ULK2: variants seen among roughly 807,000 people sequenced by gnomAD.
The protein encoded by ULK2 is serine/threonine-protein kinase ULK2.
Under a neutral mutation model 127.5 loss-of-function variants are expected in ULK2, and 76 were observed. The observed-to-expected ratio is 0.60, with a 90% confidence interval of 0.50 to 0.72. The LOEUF (loss-of-function observed/expected upper bound fraction) is 0.72, where lower values mean the gene tolerates loss of function less well. Ranked by LOEUF, ULK2 falls within the 30% of genes least tolerant of loss-of-function variation. ULK2 has a pLI of 0.00. For missense variants in ULK2, 1,144 were observed against 1,295.9 expected (o/e 0.88, Z 1.80); for synonymous variants, 452 against 461.9 (o/e 0.98, Z 0.28).
intron 3 of ULK2, among the ~76,000 whole-genome samples, chr17:19,851,776 T>A (rs562039110): frequency 6.6e-6 from 1 of 151,600 alleles, no homozygotes; most frequent in Admixed American, 6.6e-5. Flanking sequence ...TGTAATCCCA[T>A]CACTTTAGGA....
chr17:19,867,236 G>C (rs886719189), intron 1 of ULK2, 92 bp downstream of exon 1: 31 of 1,012,838 alleles, frequency 3.1e-5, no homozygotes, highest in Non-Finnish European at 3.8e-5. Flanking sequence ...TAGCCGAGTC[G>C]GGGGTCTCGG....
intron 12 of ULK2, among the ~76,000 whole-genome samples, chr17:19,822,393 G>A (rs115960050): frequency 0.036 from 5,447 of 150,910 alleles, 264 homozygotes; most frequent in African/African-American, 0.11. Flanking sequence ...ATAGAGTCTC[G>A]CTCTGTTACC....
chr17:19,837,570 ACTC>A (rs1336603561), intron 10 of ULK2, among the ~76,000 whole-genome samples: 3 of 151,912 alleles, frequency 2.0e-5, no homozygotes, highest in Non-Finnish European at 4.4e-5. Context: ...TCCAACAGAA[ACTC>A]CTCATCTTGT....
intron 3 of ULK2, among the ~76,000 whole-genome samples, chr17:19,863,424 C>T (rs1450370493): frequency 6.6e-6 from 1 of 151,860 alleles, no homozygotes; most frequent in Admixed American, 6.6e-5. Flanking sequence ...AAACCAGAAT[C>T]TGCTATTCCC....
chr17:19,810,762 C>A, intron 13 of ULK2: 1 of 201,788 alleles, frequency 5.0e-6, no homozygotes. Flanking sequence ...GTTCCTTTTT[C>A]TGTGTCAATG....
In ULK2 at chr17:19,783,921, G is replaced by T. The variant is rs765583049; in HGVS notation, c.2252-16C>A. ...CTGGGCCCCACTACAAGGAAACAGA[G>T]GATACATGGCAGTGTCCAGAGTTAG... On this transcript the variant is annotated splice_polypyrimidine_tract_variant and intron_variant, in intron 21 of 26. Coordinates refer to ENST00000395544, the MANE Select transcript of ULK2 (RefSeq NM_014683.4). 7.4e-6 allele frequency: 11 copies of T among 1,477,928 alleles called. No individual in the cohort carries two copies. The highest frequency in any genetic ancestry group is 9.0e-6 in the Non-Finnish European group (10 of 1,111,898). 91.6% of individuals were successfully genotyped at this position (1,477,928 alleles called of 1,614,324 possible).
chr17:19,847,996 T>C (rs1037561449), intron 5 of ULK2, among the ~76,000 whole-genome samples: 2 of 152,192 alleles, frequency 1.3e-5, no homozygotes, highest in South Asian at 2.1e-4. Context: ...ACCTTCCTCA[T>C]GTATAAAAGT....
intron 5 of ULK2, chr17:19,848,261 T>C (rs576775827): frequency 1.3e-5 from 2 of 152,360 alleles, no homozygotes. Context: ...TTACCTACAC[T>C]GAGGATTTAG....
chr17:19,826,001 A>AAATAAATACAT (rs1555560386), intron 11 of ULK2, 138 bp downstream of exon 11: 1 of 125,786 alleles, frequency 8.0e-6, no homozygotes, highest in Non-Finnish European at 1.7e-5. Flanking sequence ...AAAAAAAAAA[A>AAATAAATACAT]AAATAAATAA....
At chr17:19,780,660 T>C (rs777117873) in intron 24 of ULK2, 31 bp from the exon 25 acceptor site, 10 of 1,576,676 alleles carry the variant, frequency 6.3e-6, no homozygotes, top group Non-Finnish European at 7.8e-6. Flanking sequence ...GAACTAATTT[T>C]AATTTTCCTC....
At chr17:19,792,153 G>C (rs193245093) in intron 20 of ULK2, among the ~76,000 whole-genome samples, 143 of 152,064 alleles carry the variant, frequency 9.4e-4, no homozygotes, top group Non-Finnish European at 3.1e-4. Flanking sequence ...ATCTAACAAT[G>C]CATCTTAAAG....
At chr17:19,845,224 T>A in intron 7 of ULK2, 80 bp downstream of exon 7, 1 of 1,246,816 alleles carries the variant, frequency 8.0e-7, no homozygotes, top group Admixed American at 1.9e-5. Context: ...CACATCTTAT[T>A]TGGAAGCACG....
chr17:19,777,591 A>G lies in ULK2; in HGVS notation c.3042T>C (p.Asn1014=), dbSNP rs774253809. 9.4e-6 allele frequency: 15 copies of G among 1,595,692 alleles called. No homozygotes were observed. The South Asian group carries it at 1.7e-4, about 18-fold the overall frequency. Residue 1014 remains asparagine, a synonymous_variant, in exon 26 of 27, where the codon AAT becomes AAC. Coordinates refer to ENST00000395544, the MANE Select transcript of ULK2 (RefSeq NM_014683.4). ...RILQDPADIE[N]VHKYKCSIER... Reference sequence around the variant, plus strand: ...TGTAAGTCAACTTACATTTATGCACATTTTCAATATCTGCAGGGTCCTGTA... The same window carrying G: ...TGTAAGTCAACTTACATTTATGCACGTTTTCAATATCTGCAGGGTCCTGTA...
intron 3 of ULK2, 24 bp from the exon 4 acceptor site, chr17:19,849,798 T>A: frequency 1.4e-6 from 2 of 1,437,084 alleles, no homozygotes; most frequent in Non-Finnish European, 1.9e-6. Flanking sequence ...ATATTAAATA[T>A]CATTTAGAGA....
rs1597835068 is a variant in ULK2, at chr17:19,867,869, G to C, written c.-452C>G. The C allele has an allele frequency of 6.6e-6, 1 of 150,998 alleles. No homozygotes were observed. The highest frequency in any genetic ancestry group is 1.9e-4 in the East Asian group (1 of 5,146). 9.4% of individuals were successfully genotyped at this position (150,998 alleles called of 1,614,324 possible). On this transcript the variant is annotated 5_prime_UTR_variant, in exon 1 of 27. Transcript: ENST00000395544. Reference sequence around the variant, plus strand: ...CCGCCCTAGAACCCGCACCGCCGCGGCCCCGCGCTTCCCCGCCTCGCGGCG... The same window carrying C: ...CCGCCCTAGAACCCGCACCGCCGCGCCCCCGCGCTTCCCCGCCTCGCGGCG...
intron 13 of ULK2, among the ~76,000 whole-genome samples, chr17:19,811,546 A>AT (rs753243630): frequency 6.6e-6 from 1 of 152,024 alleles, no homozygotes; most frequent in Non-Finnish European, 1.5e-5. Context: ...GGTTCAAGCA[A>AT]TTCTCCTGCC....
chr17:19,835,941 G>A (rs763067603), intron 10 of ULK2, among the ~76,000 whole-genome samples: 5 of 151,678 alleles, frequency 3.3e-5, no homozygotes, highest in Non-Finnish European at 7.4e-5. Context: ...TGGCAACATT[G>A]TGAGACCCTA....
chr17:19,846,844 A>G lies in ULK2; in HGVS notation c.362T>C (p.Ile121Thr). Reference sequence around the variant, plus strand: ...GTGGATGATTCCTTTGCTGTGCAGGATTCGCATGGCAGCAGCAATCTGATG... The same window carrying G: ...GTGGATGATTCCTTTGCTGTGCAGGGTTCGCATGGCAGCAGCAATCTGATG... ...FLHQIAAAMR[I>T]LHSKGIIHRD... is the part of the protein sequence containing the mutation. The change falls in exon 6 of 27, where the codon ATC becomes ACC. Residue 121 changes from isoleucine (I) to threonine (T), a missense_variant. By Grantham distance (89) the Ile-to-Thr change is moderately conservative. Around this residue, in one of 2 missense-constraint regions of ULK2, gnomAD observed 231 missense variants for 325.4 expected, o/e 0.71. Coordinates refer to ENST00000395544, the MANE Select transcript of ULK2 (RefSeq NM_014683.4). 1 of 1,614,002 alleles carries G rather than the reference A, an allele frequency of 6.2e-7. No individual in the cohort carries two copies. The highest frequency in any genetic ancestry group is 8.5e-7 in the Non-Finnish European group (1 of 1,179,960).
At chr17:19,841,380 T>C in intron 9 of ULK2, 109 bp downstream of exon 9, 2 of 1,105,342 alleles carry the variant, frequency 1.8e-6, no homozygotes, top group African/African-American at 3.3e-5. Flanking sequence ...TGCTTTCACA[T>C]TATCAACTGA....
Sources: gnomAD v4.1 joint callset for allele counts (sites outside exome capture counted in the v4.1 genomes callset) on GRCh38, gnomAD v4.1.1 for gene constraint, gnomAD v4.1.1 regional missense constraint, MANE v1.5 for transcripts, NCBI Gene and HGNC (gene_info 2026-07-23, HGNC 2026-07-21) for gene names.